AFDN: variants seen among roughly 807,000 people sequenced by gnomAD.
AFDN encodes afadin, adherens junction formation factor, also known as afadin.
A neutral mutation model predicts 216.6 loss-of-function variants in AFDN; 68 were observed. The ratio of observed to expected loss-of-function variants is 0.31; its 90% CI spans 0.26 to 0.38. AFDN has a LOEUF of 0.38. AFDN is among the 10% of genes least tolerant of loss of function. AFDN has a pLI of 1.00. For synonymous variants in AFDN, 868 were observed against 853.7 expected (o/e 1.02, Z -0.29); for missense variants, 2,136 against 2,342.0 (o/e 0.91, Z 1.82).
At chr6:167,881,735 GAGGT>G (rs1786135998) in intron 6 of AFDN, among the ~76,000 whole-genome samples, 2 of 152,184 alleles carry the variant, frequency 1.3e-5, no homozygotes, top group Non-Finnish European at 2.9e-5. Context: ...CGTGGATTTG[GAGGT>G]AACAGGAGTA....
rs552914144 is a variant in AFDN, at chr6:167,884,386, A to C, written c.897+3869A>C. ...GGTTTTCACCCCAGATTTATCAGAG[A>C]ATCACTATCTATGGCAGCTATAGCC... is the stretch of plus-strand genomic sequence containing the variant. On this transcript the variant is annotated intron_variant, in intron 6 of 33. Coordinates refer to ENST00000683244, the MANE Select transcript of AFDN (RefSeq NM_001386888.1). 3.8e-4 allele frequency among the ~76,000 whole-genome samples: 58 copies of C among 152,324 alleles called. No homozygotes were observed. The Middle Eastern group carries it at 0.017, about 45-fold the overall frequency.
chr6:167,912,250 G>T (rs1790493264), intron 15 of AFDN: 1 of 152,126 alleles, frequency 6.6e-6, no homozygotes, highest in Non-Finnish European at 1.5e-5. Context: ...ATGATTTGAA[G>T]ATTTAATCTT....
At chr6:167,909,031 AC>A (rs1030937931) in intron 13 of AFDN, among the ~76,000 whole-genome samples, 1 of 152,114 alleles carries the variant, frequency 6.6e-6, no homozygotes, top group Non-Finnish European at 1.5e-5. Context: ...ACACTTTTTT[AC>A]CAGATTTGTT....
chr6:167,918,985 C>G, intron 21 of AFDN, 52 bp downstream of exon 21: 1 of 1,460,220 alleles, frequency 6.8e-7, no homozygotes, highest in East Asian at 2.4e-5. Flanking sequence ...TTGAAGCGAG[C>G]ATTTTATTCA....
At chr6:167,850,881 TTGTGTG>T (rs35799397) in intron 1 of AFDN, among the ~76,000 whole-genome samples, 1 of 151,180 alleles carries the variant, frequency 6.6e-6, no homozygotes, top group Non-Finnish European at 1.5e-5. Context: ...TAATTTTTTA[TTGTGTG>T]TGTGTGTGTG....
rs1259816164 is a variant in AFDN, at chr6:167,969,011, C to G, written c.5258-103C>G. The G allele has an allele frequency of 3.4e-6, 3 of 883,820 alleles. No individual in the cohort carries two copies. In the South Asian group the frequency reaches 4.3e-5, roughly 13 times the overall value. The allele number at this position is 883,820 out of a possible 1,614,324, so 54.7% of individuals were successfully genotyped here. The stretch of plus-strand genomic sequence containing the variant: ...GGGGTCTTTTACCTTCCTACTTACT[C>G]AGTAAAGGTATTTTTGTATTCTCTG... On this transcript the variant is annotated intron_variant, in intron 32 of 33. Coordinates refer to ENST00000683244, the MANE Select transcript of AFDN (RefSeq NM_001386888.1).
At chr6:167,912,393 C>T (rs1451153974) in intron 15 of AFDN, among the ~76,000 whole-genome samples, 1 of 152,128 alleles carries the variant, frequency 6.6e-6, no homozygotes, top group African/African-American at 2.4e-5. Flanking sequence ...TTTCTCCTGG[C>T]AGGATCATTT....
intron 1 of AFDN, among the ~76,000 whole-genome samples, chr6:167,834,385 T>C (rs1019806840): frequency 3.3e-5 from 5 of 151,954 alleles, no homozygotes; most frequent in African/African-American, 4.8e-5. Flanking sequence ...ACTTAGAATA[T>C]AGTCTCCAGT....
At chr6:167,933,876 T>C (rs916444999) in intron 23 of AFDN, among the ~76,000 whole-genome samples, 3 of 152,168 alleles carry the variant, frequency 2.0e-5, no homozygotes, top group Non-Finnish European at 4.4e-5. Context: ...ATGTAGAATA[T>C]TGGCTGTGGG....
intron 1 of AFDN, 114 bp downstream of exon 1, chr6:167,827,351 C>CA (rs1173630280): frequency 5.6e-6 from 1 of 178,446 alleles, no homozygotes; most frequent in Non-Finnish European, 1.0e-5. Context: ...CCCCCTCCCC[C>CA]CTCCGCCCCT....
intron 6 of AFDN, among the ~76,000 whole-genome samples, chr6:167,888,167 C>T (rs1787105257): frequency 6.6e-6 from 1 of 152,058 alleles, no homozygotes; most frequent in African/African-American, 2.4e-5. Flanking sequence ...TGTTCTAAGC[C>T]AAGATACTGA....
At chr6:167,832,184 C>T (rs940111920) in intron 1 of AFDN, among the ~76,000 whole-genome samples, 1 of 152,164 alleles carries the variant, frequency 6.6e-6, no homozygotes, top group African/African-American at 2.4e-5. Context: ...AAGTTGGATA[C>T]TGAGCAGTGT....
intron 30 of AFDN, among the ~76,000 whole-genome samples, chr6:167,955,609 C>G (rs922549715): frequency 6.6e-6 from 1 of 151,982 alleles, no homozygotes; most frequent in Non-Finnish European, 1.5e-5. Context: ...GCTCTCAGGC[C>G]CAAAGAGAGT....
chr6:167,911,516 C>T (rs1330059031), intron 15 of AFDN, 27 bp downstream of exon 15: 5 of 1,604,248 alleles, frequency 3.1e-6, no homozygotes, highest in East Asian at 4.5e-5. Context: ...CAGCCATGCT[C>T]CTCCAGTGAT....
Position 167,951,757 on chromosome 6 carries a change from A to C in AFDN, c.4403A>C (p.Gln1468Pro). 1.2e-6 allele frequency: 2 copies of C among 1,614,200 alleles called. No individual in the cohort carries two copies. The highest frequency in any genetic ancestry group is 8.5e-7 in the Non-Finnish European group (1 of 1,180,040). ...CCGTTTTCTCCCCTGACTGCACAGC[A>C]GATGAAGCCCGAAAAGCCTTCCACA... ...PAPFSPLTAQ[Q>P]MKPEKPSTLQ... is the part of the protein sequence containing the mutation. Residue 1468 changes from glutamine to proline, a missense_variant, in exon 30 of 34, where the codon CAG becomes CCG. Transcript: ENST00000683244. This position sits in a 1 kb window ranked among gnomAD's most constrained non-coding sequence, Gnocchi z 7.1.
chr6:167,969,819 G>A lies in AFDN; in HGVS notation c.5380G>A (p.Glu1794Lys), dbSNP rs1276056876. The change falls in exon 34 of 34, where the codon GAA (glutamate) becomes AAA (lysine). Residue 1794 changes from glutamate (E) to lysine (K), a missense_variant. Around this residue, in one of 8 missense-constraint regions of AFDN, gnomAD observed 981 missense variants for 966.0 expected, o/e 1.02. Transcript: ENST00000683244. The stretch of plus-strand genomic sequence containing the variant: ...TTCACCTGGAAGTTCTGGGGCCCCT[G>A]AAAACTTGACATTCAAGGAACGCCA... ...ADSPGSSGAP[E>K]NLTFKERQRL... is the part of the protein sequence containing the mutation. 1 of 1,612,738 alleles carries A rather than the reference G, an allele frequency of 6.2e-7. No individual in the cohort carries two copies.
Position 167,870,501 on chromosome 6 carries a change from A to G in AFDN, c.414+3A>G. 1 of 1,574,048 alleles carries G rather than the reference A, an allele frequency of 6.4e-7. No homozygotes were observed. Among genetic ancestry groups the G allele is most frequent in the South Asian group, 1.1e-5 (1 of 87,994 alleles). ...AGAATGACGCCATTCCTCCTAAGGT[A>G]GGAACCCTCAGTATTTTATGACGGT... is the stretch of plus-strand genomic sequence containing the variant. On this transcript the variant is annotated splice_donor_region_variant and intron_variant, in intron 3 of 33. Coordinates refer to ENST00000683244, the MANE Select transcript of AFDN (RefSeq NM_001386888.1).
At position 167,914,809 on chromosome 6, in the gene AFDN, G is replaced by C. The variant is rs143076713; in HGVS notation, c.2299+71G>C. ...GTTTAGCATCATTTTAATGCTTAGC[G>C]TAGGTAAGTGGAGGTGTTTTTAAAA... On this transcript the variant is annotated intron_variant, in intron 18 of 33. Transcript: ENST00000683244. The C allele has an allele frequency of 5.0e-5, 54 of 1,070,666 alleles. No homozygotes were observed. The African/African-American group carries it at 8.4e-4, about 17-fold the overall frequency. The allele number at this position is 1,070,666 out of a possible 1,614,324, so 66.3% of individuals were successfully genotyped here. A position where few individuals can be genotyped will look rare whatever the true frequency, so the allele number is the denominator to read the frequency against.
intron 16 of AFDN, 103 bp from the exon 17 acceptor site, chr6:167,914,065 G>A: frequency 2.4e-6 from 3 of 1,231,894 alleles, no homozygotes; most frequent in Non-Finnish European, 3.4e-6. Flanking sequence ...GGTGAAATGG[G>A]AAGGTACTGG....
Sources: allele counts gnomAD v4.1 joint callset (sites outside exome capture counted in the v4.1 genomes callset), GRCh38; gene constraint gnomAD v4.1.1; regional missense constraint gnomAD v4.1.1; non-coding constraint Gnocchi (gnomAD v3.1); transcripts MANE v1.5; gene names NCBI Gene and HGNC (gene_info 2026-07-23, HGNC 2026-07-21).